SETD7: variants seen among roughly 807,000 people sequenced by gnomAD.
The protein encoded by SETD7 is histone-lysine N-methyltransferase SETD7.
In SETD7, 16 loss-of-function variants were observed where a neutral mutation model predicts 41.8. The observed-to-expected ratio is 0.38, with a 90% CI of 0.26 to 0.58. SETD7 has a LOEUF of 0.58. SETD7 is among the 20% of genes least tolerant of loss of function. SETD7 has a pLI of 0.64. For synonymous variants in SETD7, 163 were observed against 169.7 expected, an observed-to-expected ratio of 0.96 and a Z score of 0.31; for missense variants, 346 against 459.7, an observed-to-expected ratio of 0.75 and a Z score of 2.26.
intron 2 of SETD7, among the ~76,000 whole-genome samples, chr4:139,542,673 T>C (rs980043685): frequency 2.0e-5 from 3 of 152,192 alleles, no homozygotes; most frequent in African/African-American, 4.8e-5. Flanking sequence ...CACTTTCACA[T>C]TTCTGAATTT....
intron 3 of SETD7, among the ~76,000 whole-genome samples, chr4:139,532,239 C>A (rs187397950): frequency 6.6e-6 from 1 of 152,056 alleles, no homozygotes; most frequent in East Asian, 1.9e-4. Flanking sequence ...CCCAGGAGTT[C>A]GAGACTAGGT....
At chr4:139,504,036 G>T (rs1204415014), downstream of SETD7, among the ~76,000 whole-genome samples, 1 of 152,208 alleles carries the variant, frequency 6.6e-6, no homozygotes, top group African/African-American at 2.4e-5. Context: ...AGCTGAGAAA[G>T]GCAGAGTGGA....
intron 2 of SETD7, among the ~76,000 whole-genome samples, chr4:139,533,993 A>ATGTATG (rs1239426423): frequency 2.0e-5 from 3 of 148,432 alleles, no homozygotes; most frequent in Admixed American, 6.7e-5. Flanking sequence ...ATGTATGTAT[A>ATGTATG]TCTATGTATA....
At chr4:139,539,232 G>A (rs1261177225) in intron 2 of SETD7, among the ~76,000 whole-genome samples, 3 of 152,042 alleles carry the variant, frequency 2.0e-5, no homozygotes, top group African/African-American at 7.2e-5. Flanking sequence ...TACAATAACC[G>A]AGAGGAAATT....
chr4:139,519,277 G>T (rs113405169), intron 6 of SETD7, among the ~76,000 whole-genome samples: 8 of 152,188 alleles, frequency 5.3e-5, no homozygotes, highest in African/African-American at 1.9e-4. Context: ...GCATATTGAG[G>T]TTCAGCACAA....
At chr4:139,514,713 G>C (rs909900271) in intron 7 of SETD7, among the ~76,000 whole-genome samples, 3 of 152,220 alleles carry the variant, frequency 2.0e-5, no homozygotes, top group Admixed American at 6.5e-5. Context: ...ATAAACGTGA[G>C]CTACACGATT....
At chr4:139,501,840 C>T (rs757288649), downstream of SETD7, among the ~76,000 whole-genome samples, 4 of 152,188 alleles carry the variant, frequency 2.6e-5, no homozygotes, top group African/African-American at 7.2e-5. Context: ...AGCGGAGACA[C>T]GGCAGGTCCC....
chr4:139,509,343 G>C lies in SETD7; in HGVS notation c.*2320C>G, dbSNP rs891357114. On this transcript the variant is annotated 3_prime_UTR_variant, in exon 8 of 8. Coordinates refer to ENST00000274031, the MANE Select transcript of SETD7 (RefSeq NM_030648.4). Reference sequence around the variant, plus strand: ...GACACACTGCTGAGTTTTAAGCTCAGAGTGTTACCATTCAATATCTCATCT... The same window carrying C: ...GACACACTGCTGAGTTTTAAGCTCACAGTGTTACCATTCAATATCTCATCT... 1 of 152,190 alleles carries C rather than the reference G, an allele frequency of 6.6e-6. No individual in the cohort carries two copies. Among genetic ancestry groups the C allele is most frequent in the Non-Finnish European group, 1.5e-5 (1 of 68,046 alleles). The allele number at this position is 152,190 out of a possible 1,614,324, so 9.4% of individuals were successfully genotyped here.
At chr4:139,517,130 A>T (rs1175192591) in intron 7 of SETD7, among the ~76,000 whole-genome samples, 1 of 152,222 alleles carries the variant, frequency 6.6e-6, no homozygotes, top group East Asian at 1.9e-4. Context: ...CAACGCTGAG[A>T]TGTCATGCCC....
chr4:139,523,650 C>T (rs1727241244), intron 4 of SETD7, among the ~76,000 whole-genome samples: 1 of 152,192 alleles, frequency 6.6e-6, no homozygotes, highest in Admixed American at 6.5e-5. Context: ...TCAGATGCAT[C>T]TCTTAACATT....
intron 2 of SETD7, among the ~76,000 whole-genome samples, chr4:139,539,437 C>T (rs1048075951): frequency 6.6e-6 from 1 of 152,194 alleles, no homozygotes; most frequent in African/African-American, 2.4e-5. Flanking sequence ...GAAACTTCAA[C>T]TTCTCCCAAG....
intron 7 of SETD7, among the ~76,000 whole-genome samples, chr4:139,498,938 CTG>C (rs1259164211): frequency 1.3e-5 from 2 of 152,164 alleles, no homozygotes; most frequent in Admixed American, 6.5e-5. Flanking sequence ...TGGTGAAATC[CTG>C]TCTCTTTTAC....
chr4:139,517,406 C>T (rs980195913), intron 7 of SETD7, among the ~76,000 whole-genome samples: 3 of 145,880 alleles, frequency 2.1e-5, no homozygotes, highest in African/African-American at 8.0e-5. Flanking sequence ...ACCTGGGAGG[C>T]AGAGGTTGCG....
At chr4:139,518,396 T>C (rs942100688) in intron 6 of SETD7, among the ~76,000 whole-genome samples, 2 of 152,158 alleles carry the variant, frequency 1.3e-5, no homozygotes, top group Non-Finnish European at 2.9e-5. Flanking sequence ...CCCAAAGTGT[T>C]GGGATTACAG....
intron 1 of SETD7, among the ~76,000 whole-genome samples, chr4:139,551,463 CAGAT>C (rs1728107732): frequency 6.6e-6 from 1 of 152,180 alleles, no homozygotes; most frequent in Admixed American, 6.5e-5. Flanking sequence ...ATCTATTGAA[CAGAT>C]AGAAAGTTAC....
chr4:139,527,485 G>A (rs1280332797), intron 4 of SETD7, among the ~76,000 whole-genome samples: 3 of 152,128 alleles, frequency 2.0e-5, no homozygotes, highest in Non-Finnish European at 4.4e-5. Context: ...TTGAGCTCAG[G>A]AGCTCAAGGC....
At position 139,555,503 on chromosome 4, in the gene SETD7, G is replaced by T. The variant is rs997614464; in HGVS notation, c.40+595C>A. On this transcript the variant is annotated intron_variant, in intron 1 of 7. Transcript: ENST00000274031. This position sits in a 1 kb window ranked among gnomAD's most constrained non-coding sequence, Gnocchi z 4.0. ...CGCACGTTCGAGTCCCGGGTCGGGA[G>T]ACTTGTCCGTCGCCCGACAATGATT... 6.6e-6 allele frequency among the ~76,000 whole-genome samples: 1 copy of T among 152,148 alleles called. No homozygotes were observed. The highest frequency in any genetic ancestry group is 1.5e-5 in the Non-Finnish European group (1 of 68,022).
downstream of SETD7, among the ~76,000 whole-genome samples, chr4:139,494,345 C>T (rs1401153810): frequency 1.3e-5 from 2 of 152,178 alleles, no homozygotes; most frequent in East Asian, 3.8e-4. Context: ...CACACATGTC[C>T]TGCTGTGTCT....
downstream of SETD7, among the ~76,000 whole-genome samples, chr4:139,501,449 G>T (rs1726574578): frequency 8.5e-6 from 1 of 117,468 alleles, no homozygotes; most frequent in Non-Finnish European, 1.7e-5. Flanking sequence ...GGGTGGGAGG[G>T]AGCTAGGGAT....
Sources: allele counts gnomAD v4.1 joint callset (sites outside exome capture counted in the v4.1 genomes callset), GRCh38; gene constraint gnomAD v4.1.1; non-coding constraint Gnocchi (gnomAD v3.1); transcripts MANE v1.5; gene names NCBI Gene and HGNC (gene_info 2026-07-23, HGNC 2026-07-21).